Variants in ABCB11 observed in about 807,000 individuals in gnomAD.
ABCB11 encodes bile salt export pump.
Under a neutral mutation model 148.0 loss-of-function variants are expected in ABCB11, and 95 were observed. That is an observed-to-expected ratio of 0.64 (90% CI 0.54 to 0.76). ABCB11 has a LOEUF of 0.76. Ranked by LOEUF, ABCB11 falls within the 30% of genes least tolerant of loss-of-function variation. ABCB11 has a pLI of 0.00. For synonymous variants in ABCB11, 591 were observed against 555.4 expected, an observed-to-expected ratio of 1.06 and a Z score of -0.90; for missense variants, 1,523 against 1,617.8, an observed-to-expected ratio of 0.94 and a Z score of 1.01.
At chr2:168,970,604 GT>G (rs1191424126) in intron 14 of ABCB11, 5 of 316,202 alleles carry the variant, frequency 1.6e-5, no homozygotes, top group African/African-American at 4.4e-5. Flanking sequence ...TGCAAAGGCT[GT>G]TTTTACATTA....
At chr2:168,943,114 ACT>A (rs960030318) in intron 21 of ABCB11, among the ~76,000 whole-genome samples, 18 of 152,050 alleles carry the variant, frequency 1.2e-4, no homozygotes, top group African/African-American at 4.3e-4. Flanking sequence ...ATTAGATGCT[ACT>A]CTCTGAATTC....
Position 168,922,389 on chromosome 2 carries a change from C to T in ABCB11, c.*1233G>A, listed in dbSNP as rs951998517. Among the ~76,000 whole-genome samples the T allele has an allele frequency of 6.6e-6, 1 of 152,194 alleles. No individual in the cohort carries two copies. The highest frequency in any genetic ancestry group is 1.5e-5 in the Non-Finnish European group (1 of 68,036). ...GAACTGGGGAAAGGCAGCCATCCTG[C>T]TGCAGGCGGGGCTCTGCAATTCTGT... On this transcript the variant is annotated 3_prime_UTR_variant, in exon 28 of 28. Transcript: ENST00000650372.
chr2:168,960,235 A>G (rs1432944287), intron 18 of ABCB11, among the ~76,000 whole-genome samples: 1 of 151,672 alleles, frequency 6.6e-6, no homozygotes, highest in Non-Finnish European at 1.5e-5. Flanking sequence ...TGGTAACCAA[A>G]GTTCAGTATG....
intron 9 of ABCB11, among the ~76,000 whole-genome samples, chr2:168,989,875 T>G (rs1053465229): frequency 5.3e-5 from 8 of 152,116 alleles, no homozygotes; most frequent in South Asian, 2.1e-4. Context: ...ACCATATGGT[T>G]TTTGTCTTTC....
chr2:169,029,427 A>G (rs1048993044), intron 1 of ABCB11, among the ~76,000 whole-genome samples: 1 of 152,228 alleles, frequency 6.6e-6, no homozygotes, highest in Admixed American at 6.5e-5. Flanking sequence ...GCTAAGAAAC[A>G]AAGAAAATAG....
Position 168,921,442 on chromosome 2 carries a change from G to A in ABCB11, c.*2180C>T, listed in dbSNP as rs1691071268. On this transcript the variant is annotated 3_prime_UTR_variant, in exon 28 of 28. Coordinates refer to ENST00000650372, the MANE Select transcript of ABCB11 (RefSeq NM_003742.4). Reference sequence around the variant, plus strand: ...CAGGATAGGTTGGTGGGAACCGTGGGTGCAGTCCTGCTCCCAAGGTTTTCA... The same window carrying A: ...CAGGATAGGTTGGTGGGAACCGTGGATGCAGTCCTGCTCCCAAGGTTTTCA... Among the ~76,000 whole-genome samples the A allele has an allele frequency of 6.6e-6, 1 of 152,262 alleles. No homozygotes were observed. The highest frequency in any genetic ancestry group is 1.9e-4 in the East Asian group (1 of 5,180).
chr2:168,968,528 A>G, intron 16 of ABCB11, 38 bp from the exon 17 acceptor site: 2 of 1,534,334 alleles, frequency 1.3e-6, no homozygotes, highest in Admixed American at 1.7e-5. Flanking sequence ...TAGTATATAC[A>G]ATAAACAGAA....
intron 3 of ABCB11, among the ~76,000 whole-genome samples, chr2:169,015,703 C>T (rs1695332965): frequency 6.6e-6 from 1 of 152,084 alleles, no homozygotes; most frequent in South Asian, 2.1e-4. Context: ...GCTCCATTTC[C>T]AGTTTATTTT....
chr2:168,986,840 G>A (rs184008774), intron 9 of ABCB11, among the ~76,000 whole-genome samples: 1 of 152,260 alleles, frequency 6.6e-6, no homozygotes, highest in Non-Finnish European at 1.5e-5. Flanking sequence ...TCCAATGCAA[G>A]GAATAGGTTT....
intron 5 of ABCB11, among the ~76,000 whole-genome samples, chr2:169,011,444 T>A (rs1204729852): frequency 6.6e-6 from 1 of 152,230 alleles, no homozygotes; most frequent in Non-Finnish European, 1.5e-5. Flanking sequence ...CAAATTGCTC[T>A]GAGTTTGTCA....
intron 18 of ABCB11, among the ~76,000 whole-genome samples, chr2:168,959,943 A>G (rs1692988268): frequency 6.6e-6 from 1 of 150,986 alleles, no homozygotes; most frequent in East Asian, 2.0e-4. Context: ...CCAAAAAAAA[A>G]AAAAAAAAAA....
At chr2:168,979,013 C>T (rs562578726) in intron 11 of ABCB11, among the ~76,000 whole-genome samples, 5 of 152,276 alleles carry the variant, frequency 3.3e-5, no homozygotes, top group Middle Eastern at 3.4e-3. Context: ...AGCCACCATG[C>T]CTGGCCTGTT....
intron 8 of ABCB11, among the ~76,000 whole-genome samples, chr2:168,992,606 G>A (rs1264670404): frequency 6.6e-6 from 1 of 152,012 alleles, no homozygotes; most frequent in Non-Finnish European, 1.5e-5. Flanking sequence ...GCATAACGTG[G>A]ATTATTCCCT....
chr2:169,017,469 G>A (rs1244639151), intron 2 of ABCB11, among the ~76,000 whole-genome samples: 1 of 152,064 alleles, frequency 6.6e-6, no homozygotes, highest in Non-Finnish European at 1.5e-5. Flanking sequence ...CAATATCTTG[G>A]GCTTGGGAAT....
intron 23 of ABCB11, 63 bp downstream of exon 23, chr2:168,935,121 C>T: frequency 6.3e-7 from 1 of 1,590,280 alleles, no homozygotes; most frequent in Non-Finnish European, 8.6e-7. Context: ...AGCTAACTGA[C>T]AGAACCAGGC....
rs377691925 is a variant in ABCB11 at position 168,930,770 on chromosome 2, C to A, written c.3306G>T (p.Ser1102=). The part of the protein sequence containing the change: ...DSQVLNGLSV[S]ISPGQTLAFV... ...ACGCCAGTGTCTGCCCTGGACTAAT[C>A]GACACTGAGAGACCATTCAGAACTT... The change falls in exon 25 of 28, where the codon TCG becomes TCT. Residue 1102 remains serine (S), a synonymous_variant. Coordinates refer to ENST00000650372, the MANE Select transcript of ABCB11 (RefSeq NM_003742.4). 9.9e-6 allele frequency: 16 copies of A among 1,613,512 alleles called. No homozygotes were observed. The African/African-American group carries it at 1.3e-4, about 13-fold the overall frequency.
chr2:168,958,109 T>C lies in ABCB11; in HGVS notation c.2198A>G (p.Gln733Arg). 3.1e-6 allele frequency: 5 copies of C among 1,611,010 alleles called. No individual in the cohort carries two copies. The highest frequency in any genetic ancestry group is 4.2e-6 in the Non-Finnish European group (5 of 1,177,990). ...AACTGGGGCAGGTTCAACTTCTTCC[T>C]GCACAGGAATGTCCTTGTCCTTGAG... The part of the protein sequence containing the change: ...EDRKDKDIPV[Q>R]EEVEPAPVRR... The change falls in exon 19 of 28, where the codon CAG (glutamine) becomes CGG (arginine). Residue 733 changes from glutamine to arginine, a missense_variant. Gln to Arg is a conservative substitution (Grantham distance 43). Coordinates refer to ENST00000650372, the MANE Select transcript of ABCB11 (RefSeq NM_003742.4).
At chr2:168,978,228 T>C (rs569021136) in intron 11 of ABCB11, among the ~76,000 whole-genome samples, 11 of 146,120 alleles carry the variant, frequency 7.5e-5, no homozygotes, top group African/African-American at 2.8e-4. Flanking sequence ...TCACTGCATC[T>C]TCAAACTCCT....
chr2:169,005,016 G>T (rs1245943974), intron 5 of ABCB11, among the ~76,000 whole-genome samples: 1 of 152,100 alleles, frequency 6.6e-6, no homozygotes, highest in Non-Finnish European at 1.5e-5. Flanking sequence ...TTCAGTTCTT[G>T]CAGCTGTGGA....
Sources: gnomAD v4.1 joint callset for allele counts (sites outside exome capture counted in the v4.1 genomes callset) on GRCh38, gnomAD v4.1.1 for gene constraint, MANE v1.5 for transcripts, NCBI Gene and HGNC (gene_info 2026-07-23, HGNC 2026-07-21) for gene names.